CATSPERD: variants seen among roughly 807,000 people sequenced by gnomAD.
CATSPERD encodes catsper channel auxiliary subunit delta, also known as cation channel sperm-associated auxiliary subunit delta.
In CATSPERD, 86 loss-of-function variants were observed where a neutral mutation model predicts 98.1. The ratio of observed to expected loss-of-function variants is 0.88; its 90% CI spans 0.74 to 1.05. The LOEUF (loss-of-function observed/expected upper bound fraction) is 1.05. Ranked by LOEUF, CATSPERD falls within the 50% of genes least tolerant of loss-of-function variation. CATSPERD has a pLI of 0.00. For synonymous variants in CATSPERD, 394 were observed against 390.2 expected, an observed-to-expected ratio of 1.01 and a Z score of -0.12; for missense variants, 995 against 1,005.7, an observed-to-expected ratio of 0.99 and a Z score of 0.14.
intron 21 of CATSPERD, among the ~76,000 whole-genome samples, chr19:5,776,561 G>A (rs1054010943): frequency 6.6e-6 from 1 of 152,206 alleles, no homozygotes; most frequent in Admixed American, 6.5e-5. Context: ...CCGCTGCCCT[G>A]GCGCACCTGA....
Position 5,766,041 on chromosome 19 carries a change from TTCAC to T in CATSPERD, c.1507-60_1507-57del, listed in dbSNP as rs1347902344. The T allele has an allele frequency of 1.5e-5, 20 of 1,326,720 alleles. No homozygotes were observed. In the Admixed American group the frequency reaches 3.1e-4, roughly 20 times the overall value. 82.2% of individuals were successfully genotyped at this position (1,326,720 alleles called of 1,614,324 possible). A position where few individuals can be genotyped will look rare whatever the true frequency, so the allele number is the denominator to read the frequency against. On this transcript the variant is annotated intron_variant, in intron 16 of 21. Transcript: ENST00000381624. ...CACAGGAGTGTGTCCCTGTATAGGG[TTCAC>T]TGTGTCCGGGTGACCCTCACTGACC...
Position 5,778,681 on chromosome 19 carries a change from G to A in CATSPERD, c.*5G>A, listed in dbSNP as rs73548665. 6.1e-3 allele frequency: 9,807 copies of A among 1,608,070 alleles called. 530 individuals carry two copies. In the African/African-American group the frequency reaches 0.11, roughly 18 times the overall value. On this transcript the variant is annotated 3_prime_UTR_variant, in exon 22 of 22. Transcript: ENST00000381624. ...GGAGGCAGGTCTGACCACTGAGGCC[G>A]GTCCACAGGGTCCCAACCCCTTGTC...
chr19:5,729,629 A>G (rs748181139), intron 3 of CATSPERD, among the ~76,000 whole-genome samples: 8 of 152,196 alleles, frequency 5.3e-5, no homozygotes, highest in Admixed American at 1.3e-4. Flanking sequence ...CCATCCTGCC[A>G]CTCAATGTAC....
intron 21 of CATSPERD, among the ~76,000 whole-genome samples, chr19:5,777,700 T>C (rs1226309420): frequency 1.3e-5 from 2 of 152,002 alleles, no homozygotes; most frequent in East Asian, 3.9e-4. Flanking sequence ...CTGGCCAACA[T>C]GGAGAAGCTC....
At chr19:5,758,283 G>A (rs2056365368) in intron 14 of CATSPERD, among the ~76,000 whole-genome samples, 1 of 152,000 alleles carries the variant, frequency 6.6e-6, no homozygotes, top group African/African-American at 2.4e-5. Flanking sequence ...CTTTAACCAG[G>A]CTCGTCACAT....
chr19:5,754,847 C>CTTTT (rs34200755), intron 13 of CATSPERD, among the ~76,000 whole-genome samples: 1 of 137,834 alleles, frequency 7.3e-6, no homozygotes, highest in East Asian at 2.1e-4. Flanking sequence ...TCTTCTTCTT[C>CTTTT]TTTTTTTTTT....
intron 21 of CATSPERD, among the ~76,000 whole-genome samples, chr19:5,776,563 CGCA>C (rs1022373140): frequency 3.3e-5 from 5 of 152,196 alleles, no homozygotes; most frequent in African/African-American, 1.2e-4. Context: ...GCTGCCCTGG[CGCA>C]CCTGAGTCGC....
intron 13 of CATSPERD, among the ~76,000 whole-genome samples, chr19:5,755,481 A>G (rs2056307032): frequency 6.6e-6 from 1 of 152,198 alleles, no homozygotes; most frequent in South Asian, 2.1e-4. Flanking sequence ...TCAATAAATT[A>G]CATGAGGGCC....
intron 10 of CATSPERD, among the ~76,000 whole-genome samples, chr19:5,748,781 G>C (rs951908808): frequency 4.9e-5 from 6 of 121,592 alleles, no homozygotes; most frequent in African/African-American, 1.9e-4. Flanking sequence ...ACCCAGGCTG[G>C]AGTAGTGGCG....
chr19:5,762,477 A>G (rs992416102), intron 15 of CATSPERD, among the ~76,000 whole-genome samples: 1 of 152,132 alleles, frequency 6.6e-6, no homozygotes, highest in Non-Finnish European at 1.5e-5. Context: ...CTCCCCTGAC[A>G]TGTGAGGATT....
In CATSPERD at chr19:5,767,186, G is replaced by A. The variant is rs866482831; in HGVS notation, c.1560-982G>A. ...CAAAAAATTAGCCGGGCGCATTGGC[G>A]GGTGCCTGTAGTCCCAGCTACTCGG... On this transcript the variant is annotated intron_variant, in intron 17 of 21. Transcript: ENST00000381624. 1.4e-4 allele frequency among the ~76,000 whole-genome samples: 21 copies of A among 149,714 alleles called. No individual in the cohort carries two copies. The South Asian group carries it at 1.7e-3, about 12-fold the overall frequency.
chr19:5,740,740 G>A (rs1375559451), intron 7 of CATSPERD, among the ~76,000 whole-genome samples: 1 of 147,574 alleles, frequency 6.8e-6, no homozygotes, highest in Non-Finnish European at 1.5e-5. Flanking sequence ...ACTCCAGCCT[G>A]GGCAACAGAG....
rs1419691741 is a variant in CATSPERD, at chr19:5,766,163, T to G, written c.1559+8T>G. On this transcript the variant is annotated splice_region_variant and intron_variant, in intron 17 of 21. Transcript: ENST00000381624. ...AAAGATCGTCATCCAGAAGTAAGTATGTTGAGGCCGGGCACCATGGCTCAT... is the reference window on the plus strand; with the variant it reads ...AAAGATCGTCATCCAGAAGTAAGTAGGTTGAGGCCGGGCACCATGGCTCAT... The G allele has an allele frequency of 6.2e-7, 1 of 1,611,958 alleles. No homozygotes were observed. Among genetic ancestry groups the G allele is most frequent in the Non-Finnish European group, 8.5e-7 (1 of 1,179,028 alleles).
At chr19:5,749,803 A>ATTT (rs199802101) in intron 11 of CATSPERD, among the ~76,000 whole-genome samples, 5 of 134,998 alleles carry the variant, frequency 3.7e-5, no homozygotes, top group East Asian at 2.3e-4. Context: ...TGCCTATCTA[A>ATTT]TTTTTTTTTT....
Position 5,757,830 on chromosome 19 carries a change from C to A in CATSPERD, c.1279-13C>A, listed in dbSNP as rs373688132. Reference sequence around the variant, plus strand: ...GGCTCCGTACAGCCTGAGCTTCTCTCCCCCACTCCCAGGTGATGGTGAGCA... The same window carrying A: ...GGCTCCGTACAGCCTGAGCTTCTCTACCCCACTCCCAGGTGATGGTGAGCA... On this transcript the variant is annotated splice_polypyrimidine_tract_variant and intron_variant, in intron 13 of 21. Transcript: ENST00000381624. The A allele has an allele frequency of 9.8e-4, 1,571 of 1,608,864 alleles. 25 individuals carry two copies. The South Asian group carries it at 0.016, about 17-fold the overall frequency.
intron 13 of CATSPERD, among the ~76,000 whole-genome samples, chr19:5,755,284 C>A (rs1432537380): frequency 6.6e-6 from 1 of 152,048 alleles, no homozygotes; most frequent in African/African-American, 2.4e-5. Context: ...GCATTAGCTG[C>A]AAGTACAGAT....
chr19:5,743,410 C>A (rs1469243868), intron 7 of CATSPERD, among the ~76,000 whole-genome samples: 3 of 152,010 alleles, frequency 2.0e-5, no homozygotes, highest in East Asian at 3.9e-4. Context: ...CCAGCCTGGC[C>A]AACATGGCGA....
chr19:5,742,227 T>C (rs544225223), intron 7 of CATSPERD, among the ~76,000 whole-genome samples: 285 of 151,616 alleles, frequency 1.9e-3, no homozygotes, highest in African/African-American at 6.8e-3. Flanking sequence ...TACATGTGTG[T>C]GCGTGTGTGT....
chr19:5,751,243 G>T (rs1417306740), intron 11 of CATSPERD, among the ~76,000 whole-genome samples: 1 of 95,342 alleles, frequency 1.0e-5, no homozygotes, highest in African/African-American at 3.9e-5. Flanking sequence ...AAAAAAAAAA[G>T]GCCTGGCGCG....
Sources: allele counts gnomAD v4.1 joint callset (sites outside exome capture counted in the v4.1 genomes callset), GRCh38; gene constraint gnomAD v4.1.1; transcripts MANE v1.5; gene names NCBI Gene and HGNC (gene_info 2026-07-23, HGNC 2026-07-21).